NSUN4: variants seen among roughly 807,000 people sequenced by gnomAD.
The protein encoded by NSUN4 is 5-cytosine rRNA methyltransferase NSUN4.
Under a neutral mutation model 43.8 loss-of-function variants are expected in NSUN4, and 31 were observed. The ratio of observed to expected loss-of-function variants is 0.71; its 90% CI spans 0.53 to 0.96. The LOEUF (loss-of-function observed/expected upper bound fraction) is 0.96. NSUN4 is among the 40% of genes least tolerant of loss of function. The pLI is 0.00. For missense variants in NSUN4, 439 were observed against 475.6 expected (o/e 0.92, Z 0.72); for synonymous variants, 167 against 184.1 (o/e 0.91, Z 0.75).
At chr1:46,369,813 T>A (rs1399367499), downstream of NSUN4, among the ~76,000 whole-genome samples, 1 of 152,204 alleles carries the variant, frequency 6.6e-6, no homozygotes, top group African/African-American at 2.4e-5. Flanking sequence ...TCTGGGCCAC[T>A]TGAAGGAATA....
chr1:46,345,051 C>T lies in NSUN4; in HGVS notation c.344C>T (p.Ser115Phe), dbSNP rs1265935333. 6.2e-7 allele frequency: 1 copy of T among 1,614,206 alleles called. No homozygotes were observed. The highest frequency in any genetic ancestry group is 1.7e-5 in the Admixed American group (1 of 60,018). ...HWELQSEGGQ[S>F]AAPSPASWAC... is the part of the protein sequence containing the mutation. ...GAACTGCAGTCTGAGGGTGGCCAAT[C>T]TGCAGCCCCATCCCCTGCCTCCTGG... The change falls in exon 2 of 6, where the codon TCT (serine) becomes TTT (phenylalanine). Residue 115 changes from serine (S) to phenylalanine (F), a missense_variant. Coordinates refer to ENST00000474844, the MANE Select transcript of NSUN4 (RefSeq NM_199044.4).
rs1664069609 is a variant in NSUN4 at position 46,364,540 on chromosome 1, C to G, written c.*2694C>G. On this transcript the variant is annotated 3_prime_UTR_variant, in exon 6 of 6. Coordinates refer to ENST00000474844, the MANE Select transcript of NSUN4 (RefSeq NM_199044.4). Reference sequence around the variant, plus strand: ...ATAAAAGTACAAAAGGGCATGATGGCAGGTGCCTGTAATCTCAGCTACTCA... The same window carrying G: ...ATAAAAGTACAAAAGGGCATGATGGGAGGTGCCTGTAATCTCAGCTACTCA... 1 of 152,088 alleles carries G rather than the reference C, an allele frequency of 6.6e-6. No homozygotes were observed. The highest frequency in any genetic ancestry group is 2.1e-4 in the South Asian group (1 of 4,830). The allele number at this position is 152,088 out of a possible 1,614,324, so 9.4% of individuals were successfully genotyped here. A position where few individuals can be genotyped will look rare whatever the true frequency, so the allele number is the denominator to read the frequency against.
intron 1 of NSUN4, chr1:46,342,952 A>G (rs1205393597): frequency 1.3e-5 from 5 of 399,468 alleles, no homozygotes; most frequent in East Asian, 3.6e-5. Context: ...TCCAGCCCCA[A>G]AGAACTTCCC....
At chr1:46,382,487 C>T in the NSUN4 span, among the ~76,000 whole-genome samples, 1 of 152,104 alleles carries the variant, frequency 6.6e-6, no homozygotes, top group South Asian at 2.1e-4. Flanking sequence ...GTGTGACCCA[C>T]AAAAGTTACT....
chr1:46,340,996 A>AG, intron 1 of NSUN4, 77 bp downstream of exon 1: 1 of 1,365,418 alleles, frequency 7.3e-7, no homozygotes, highest in South Asian at 1.3e-5. Flanking sequence ...CCGGCCCTCT[A>AG]GAACGCCTAG....
chr1:46,360,248 AAATATATAT>A (rs1258622209), intron 4 of NSUN4, among the ~76,000 whole-genome samples: 1 of 22,418 alleles, frequency 4.5e-5, no homozygotes, highest in East Asian at 1.8e-3. Context: ...AAAAAAAAAA[AAATATATAT>A]ATATATATAT....
intron 3 of NSUN4, among the ~76,000 whole-genome samples, chr1:46,352,352 T>A (rs889260021): frequency 6.6e-6 from 1 of 151,828 alleles, no homozygotes; most frequent in East Asian, 1.9e-4. Context: ...CTCAGGAGGC[T>A]AAGGCATGAT....
intron 2 of NSUN4, among the ~76,000 whole-genome samples, chr1:46,345,817 AG>A (rs1002018013): frequency 6.6e-6 from 1 of 152,206 alleles, no homozygotes; most frequent in Non-Finnish European, 1.5e-5. Context: ...TGTTAGTTGT[AG>A]GGTATGGGAA....
intron 3 of NSUN4, among the ~76,000 whole-genome samples, chr1:46,352,019 G>A (rs552643363): frequency 1.1e-4 from 17 of 151,564 alleles, no homozygotes; most frequent in Admixed American, 5.3e-4. Flanking sequence ...GTAGAAATGA[G>A]GTATCGCTAT....
rs547868548 is a variant in NSUN4, at chr1:46,343,340, C to T, written c.94-1461C>T. ...TTGATCCTCAAAGTTTACCCATTGT[C>T]CCCCGAGTCCGGGCCTACCCTGATA... On this transcript the variant is annotated intron_variant, in intron 1 of 5. Transcript: ENST00000474844. 8.0e-5 allele frequency: 32 copies of T among 399,886 alleles called. No homozygotes were observed. The East Asian group carries it at 1.0e-3, about 13-fold the overall frequency. The allele number at this position is 399,886 out of a possible 1,614,324, so 24.8% of individuals were successfully genotyped here.
At chr1:46,352,790 T>C (rs1356154759) in intron 3 of NSUN4, 78 bp from the exon 4 acceptor site, 1 of 1,399,670 alleles carries the variant, frequency 7.1e-7, no homozygotes, top group East Asian at 2.3e-5. Flanking sequence ...ACCTGAGAAT[T>C]GGTCTGACTC....
In NSUN4 at chr1:46,344,898, G is replaced by A. The variant is rs140936833; in HGVS notation, c.191G>A (p.Arg64His). The A allele has an allele frequency of 3.7e-5, 59 of 1,614,074 alleles. No individual in the cohort carries two copies. The highest frequency in any genetic ancestry group is 5.3e-5 in the African/African-American group (4 of 74,930). ...VQFGDLWPSIRVSLLSEQKYG... is the reference protein window; with the variant it reads ...VQFGDLWPSIHVSLLSEQKYG... The stretch of plus-strand genomic sequence containing the variant: ...TTTGGAGATCTTTGGCCATCAATCC[G>A]TGTCAGTCTCCTCTCAGAGCAGAAG... The change falls in exon 2 of 6, where the codon CGT (arginine) becomes CAT (histidine). Residue 64 changes from arginine to histidine, a missense_variant. Transcript: ENST00000474844.
At chr1:46,374,097 C>T in the NSUN4 span, among the ~76,000 whole-genome samples, 341 of 151,686 alleles carry the variant, frequency 2.2e-3, 2 homozygotes, top group African/African-American at 8.0e-3. Context: ...GATCAGCTTG[C>T]GCAACACGGT....
chr1:46,351,438 G>A (rs116345412), intron 3 of NSUN4, among the ~76,000 whole-genome samples: 2,032 of 152,284 alleles, frequency 0.013, 23 homozygotes, highest in Non-Finnish European at 0.024. Context: ...AGGAGGAAGA[G>A]GAGAATGATT....
intron 1 of NSUN4, chr1:46,342,271 C>A: frequency 2.5e-6 from 1 of 399,302 alleles, no homozygotes; most frequent in Non-Finnish European, 4.4e-6. Flanking sequence ...AGCCTTAAGC[C>A]TCTAGACTCT....
intron 3 of NSUN4, among the ~76,000 whole-genome samples, chr1:46,348,709 CAA>C (rs34999763): frequency 2.7e-4 from 14 of 52,134 alleles, no homozygotes; most frequent in East Asian, 2.5e-3. Context: ...AACTCTGTCT[CAA>C]AAAAAAAAAA....
intron 3 of NSUN4, among the ~76,000 whole-genome samples, chr1:46,347,446 A>T (rs1408205000): frequency 1.3e-5 from 2 of 152,136 alleles, no homozygotes; most frequent in African/African-American, 2.4e-5. Flanking sequence ...TCACACACAC[A>T]CAAAAAAAGA....
intron 1 of NSUN4, chr1:46,341,788 G>T: frequency 8.1e-7 from 1 of 1,232,334 alleles, no homozygotes; most frequent in South Asian, 4.1e-5. Context: ...AGCATTCCGG[G>T]GTCACCCCCT....
chr1:46,354,734 AG>A (rs1663247614), intron 4 of NSUN4, among the ~76,000 whole-genome samples: 1 of 151,744 alleles, frequency 6.6e-6, no homozygotes, highest in East Asian at 2.0e-4. Flanking sequence ...GGCTCACTGC[AG>A]CCTCCGCCTC....
Sources: allele counts gnomAD v4.1 joint callset (sites outside exome capture counted in the v4.1 genomes callset), GRCh38; gene constraint gnomAD v4.1.1; transcripts MANE v1.5; gene names NCBI Gene and HGNC (gene_info 2026-07-23, HGNC 2026-07-21).